The following OTUD7B variants were observed in gnomAD, a reference collection of about 807,000 sequenced individuals.
OTUD7B encodes OTU deubiquitinase 7B.
A neutral mutation model predicts 82.2 loss-of-function variants in OTUD7B; 34 were observed. The observed-to-expected ratio is 0.41, with a 90% CI of 0.31 to 0.55. The LOEUF (loss-of-function observed/expected upper bound fraction) is 0.55. Among genes scored for constraint, OTUD7B ranks in the 20% least tolerant of loss-of-function variants. The pLI, the probability that OTUD7B is intolerant of heterozygous loss-of-function variation, is 0.20. For synonymous variants in OTUD7B, 398 were observed against 402.7 expected (o/e 0.99, Z 0.14); for missense variants, 944 against 1,062.1 (o/e 0.89, Z 1.55).
the OTUD7B span, among the ~76,000 whole-genome samples, chr1:150,016,399 G>A: frequency 1.3e-5 from 2 of 150,792 alleles, no homozygotes; most frequent in South Asian, 2.1e-4. Flanking sequence ...GTTCTCCAGG[G>A]TGAAAAAGCC....
the OTUD7B span, among the ~76,000 whole-genome samples, chr1:150,048,908 C>T: frequency 6.6e-5 from 10 of 152,160 alleles, no homozygotes; most frequent in Non-Finnish European, 5.9e-5. Flanking sequence ...TCTCAGCTCA[C>T]GGCAACCTCT....
the OTUD7B span, among the ~76,000 whole-genome samples, chr1:150,022,204 C>A: frequency 6.6e-6 from 1 of 151,872 alleles, no homozygotes; most frequent in Non-Finnish European, 1.5e-5. Context: ...TCGAGACCAG[C>A]CTGGCCAACA....
At chr1:149,986,172 C>T (rs1553780724) in intron 1 of OTUD7B, among the ~76,000 whole-genome samples, 3 of 151,800 alleles carry the variant, frequency 2.0e-5, no homozygotes, top group African/African-American at 7.3e-5. Flanking sequence ...CAATATTCCC[C>T]AGCATCCAAG....
At chr1:150,039,947 G>T in the OTUD7B span, among the ~76,000 whole-genome samples, 2 of 152,032 alleles carry the variant, frequency 1.3e-5, no homozygotes, top group African/African-American at 4.8e-5. Flanking sequence ...AATGATTTTT[G>T]TTGCTTCCTT....
At position 149,941,265 on chromosome 1, in the gene OTUD7B, A is replaced by G. The variant is rs904175245; in HGVS notation, c.*2592T>C. 8.5e-5 allele frequency: 13 copies of G among 152,240 alleles called. No homozygotes were observed. Among genetic ancestry groups the G allele is most frequent in the African/African-American group, 2.9e-4 (12 of 41,468 alleles). The allele number at this position is 152,240 out of a possible 1,614,324, so 9.4% of individuals were successfully genotyped here. A position where few individuals can be genotyped will look rare whatever the true frequency, so the allele number is the denominator to read the frequency against. ...AGATCAAATCCAAACACAGCAGTCCAGTGGAGAATCAAAACTTTTCCGGCT... is the reference window on the plus strand; with the variant it reads ...AGATCAAATCCAAACACAGCAGTCCGGTGGAGAATCAAAACTTTTCCGGCT... On this transcript the variant is annotated 3_prime_UTR_variant, in exon 12 of 12. Coordinates refer to ENST00000581312, the MANE Select transcript of OTUD7B (RefSeq NM_020205.4).
Position 149,943,638 on chromosome 1 carries a change from C to T in OTUD7B, c.*219G>A. The T allele has an allele frequency of 1.8e-6, 1 of 570,120 alleles. No individual in the cohort carries two copies. The highest frequency in any genetic ancestry group is 2.3e-5 in the South Asian group (1 of 44,024). 35.3% of individuals were successfully genotyped at this position (570,120 alleles called of 1,614,324 possible). ...GTACCTCAAACCTCATCAAGTCAAG[C>T]TCTGCAGAGGAATAGTACAGCCCCT... On this transcript the variant is annotated 3_prime_UTR_variant, in exon 12 of 12. Coordinates refer to ENST00000581312, the MANE Select transcript of OTUD7B (RefSeq NM_020205.4).
At chr1:149,953,779 G>A (rs1648453171) in intron 7 of OTUD7B, among the ~76,000 whole-genome samples, 2 of 152,104 alleles carry the variant, frequency 1.3e-5, no homozygotes, top group Admixed American at 1.3e-4. Context: ...TTGTAAGTTG[G>A]ATTTCTAGGT....
the OTUD7B span, among the ~76,000 whole-genome samples, chr1:150,063,352 G>T: frequency 6.6e-6 from 1 of 152,132 alleles, no homozygotes; most frequent in African/African-American, 2.4e-5. Context: ...TGAGGAGGCT[G>T]AGGCATGATA....
At chr1:149,967,031 TC>T (rs1161962737) in intron 4 of OTUD7B, among the ~76,000 whole-genome samples, 1 of 152,020 alleles carries the variant, frequency 6.6e-6, no homozygotes, top group Non-Finnish European at 1.5e-5. Flanking sequence ...TGTATTTTTT[TC>T]ATGTATTGAT....
chr1:149,990,192 C>T (rs918910636), intron 1 of OTUD7B, among the ~76,000 whole-genome samples: 7 of 152,202 alleles, frequency 4.6e-5, no homozygotes, highest in African/African-American at 1.7e-4. Flanking sequence ...TAGAAGCAAC[C>T]AGTTTACCCA....
chr1:149,978,452 T>C (rs782152191), intron 1 of OTUD7B, among the ~76,000 whole-genome samples: 1 of 150,432 alleles, frequency 6.6e-6, no homozygotes, highest in African/African-American at 2.5e-5. Flanking sequence ...GAGGTTGCAG[T>C]GAGCCGAGAT....
Position 149,949,752 on chromosome 1 carries a change from T to C in OTUD7B, c.1000A>G (p.Ile334Val), listed in dbSNP as rs781867641. 1 of 1,614,142 alleles carries C rather than the reference T, an allele frequency of 6.2e-7. No individual in the cohort carries two copies. The highest frequency in any genetic ancestry group is 2.2e-5 in the East Asian group (1 of 44,878). ...GCTGGGACCTCCAAAGGCAGATAGA[T>C]TCCTCCAAAGGGAATAGGGGCAAAT... ...EAFAPIPFGG[I>V]YLPLEVPASQ... The change falls in exon 9 of 12, where the codon ATC becomes GTC. Residue 334 changes from isoleucine (I) to valine (V), a missense_variant. Ile to Val is a conservative substitution (Grantham distance 29). Transcript: ENST00000581312.
At position 149,944,458 on chromosome 1, in the gene OTUD7B, TTC is replaced by T; in HGVS notation, c.1929_1930del (p.Lys644AlafsTer28). 6.2e-7 allele frequency: 1 copy of T among 1,614,114 alleles called. No homozygotes were observed. The highest frequency in any genetic ancestry group is 8.5e-7 in the Non-Finnish European group (1 of 1,180,014). On this transcript the variant is annotated frameshift_variant, in exon 12 of 12. Coordinates refer to ENST00000581312, the MANE Select transcript of OTUD7B (RefSeq NM_020205.4). LOFTEE classifies it high-confidence loss of function. ...GATCTTCCTCTCTGCCTCCTTCTGCTTCTGTTCTGCCAGGAATCTCTCCTCAG... is the reference window on the plus strand; with the variant it reads ...GATCTTCCTCTCTGCCTCCTTCTGCTTGTTCTGCCAGGAATCTCTCCTCAG...
intron 1 of OTUD7B, among the ~76,000 whole-genome samples, chr1:149,990,979 G>A (rs1212887644): frequency 2.7e-5 from 3 of 110,998 alleles, no homozygotes; most frequent in East Asian, 2.6e-4. Context: ...CAACAAGAGC[G>A]AAACTCCGTC....
At chr1:149,983,028 T>G (rs1650883865) in intron 1 of OTUD7B, among the ~76,000 whole-genome samples, 1 of 151,976 alleles carries the variant, frequency 6.6e-6, no homozygotes, top group African/African-American at 2.4e-5. Context: ...CTAATTTTTT[T>G]GTATTTTTAG....
intron 7 of OTUD7B, among the ~76,000 whole-genome samples, chr1:149,953,262 C>A (rs192614773): frequency 0.047 from 7,111 of 152,168 alleles, 213 homozygotes; most frequent in Non-Finnish European, 0.073. Flanking sequence ...AGCTTTCTAC[C>A]TATGGCTAGC....
the OTUD7B span, chr1:150,054,901 C>A: frequency 4.2e-6 from 1 of 236,660 alleles, no homozygotes. Context: ...GATTACAGAG[C>A]AGCACAAGAT....
chr1:149,959,509 C>T lies in OTUD7B; in HGVS notation c.845+175G>A, dbSNP rs145078896. 3.5e-4 allele frequency among the ~76,000 whole-genome samples: 53 copies of T among 152,208 alleles called. 1 individual carries two copies. The highest frequency in any genetic ancestry group is 1.2e-3 in the African/African-American group (49 of 41,534). On this transcript the variant is annotated intron_variant, in intron 7 of 11. Transcript: ENST00000581312. ...GCTACTTTATATTCCAGTTCAATAC[C>T]GAACTACCTGTAGTTCCTAAACATA...
rs1163393692 is a variant in OTUD7B, at chr1:149,965,781, G to A, written c.600C>T (p.Ser200=). 6.2e-7 allele frequency: 1 copy of A among 1,612,114 alleles called. No individual in the cohort carries two copies. Among genetic ancestry groups the A allele is most frequent in the Non-Finnish European group, 8.5e-7 (1 of 1,178,356 alleles). ...GDGNCLLHAA[S]LGMWGFHDRD... is the part of the protein sequence containing the mutation. ...AGGACTGCTTTCAAGACTCACCAAGGGAGGCTGCATGCAGGAGGCAGTTCC... is the reference window on the plus strand; with the variant it reads ...AGGACTGCTTTCAAGACTCACCAAGAGAGGCTGCATGCAGGAGGCAGTTCC... The change falls in exon 5 of 12, where the codon TCC becomes TCT. Residue 200 remains serine (S), a synonymous_variant. Coordinates refer to ENST00000581312, the MANE Select transcript of OTUD7B (RefSeq NM_020205.4).
Sources: allele counts gnomAD v4.1 joint callset (sites outside exome capture counted in the v4.1 genomes callset), GRCh38; gene constraint gnomAD v4.1.1; transcripts MANE v1.5; gene names NCBI Gene and HGNC (gene_info 2026-07-23, HGNC 2026-07-21).